The following TENM4 variants were observed in gnomAD, a reference collection of about 807,000 sequenced individuals.
TENM4 encodes teneurin-4.
TENM4 carries 82 observed loss-of-function variants against 243.3 expected under a neutral mutation model. That is an observed-to-expected ratio of 0.34 (90% CI 0.28 to 0.40). TENM4 has a LOEUF of 0.40. Among genes scored for constraint, TENM4 ranks in the 10% least tolerant of loss-of-function variants. The probability of loss-of-function intolerance (pLI) is 1.00; values close to 1 mark genes in which losing one functional copy is unlikely to be tolerated. For missense variants in TENM4, 3,138 were observed against 3,673.3 expected (o/e 0.85, Z 3.77); for synonymous variants, 1,412 against 1,456.3 (o/e 0.97, Z 0.69).
At chr11:78,864,665 A>G (rs1858918968) in intron 9 of TENM4, among the ~76,000 whole-genome samples, 1 of 152,096 alleles carries the variant, frequency 6.6e-6, no homozygotes, top group Non-Finnish European at 1.5e-5. Flanking sequence ...GGGCCTTGTC[A>G]GTGGTTCAGG....
chr11:79,220,805 A>C (rs576819249), intron 2 of TENM4, among the ~76,000 whole-genome samples: 1 of 152,210 alleles, frequency 6.6e-6, no homozygotes, highest in African/African-American at 2.4e-5. Context: ...AGTTCTTTCT[A>C]CCTCAGCTAC....
In TENM4 at chr11:78,712,823, A is replaced by T. The variant is rs193257540; in HGVS notation, c.3822-109T>A. 1,397 of 1,005,792 alleles carry T rather than the reference A, an allele frequency of 1.4e-3. 5 individuals are homozygous for T. Among genetic ancestry groups the T allele is most frequent in the Middle Eastern group, 7.1e-3 (23 of 3,228 alleles). 62.3% of individuals were successfully genotyped at this position (1,005,792 alleles called of 1,614,324 possible). On this transcript the variant is annotated intron_variant, in intron 25 of 33. Coordinates refer to ENST00000278550, the MANE Select transcript of TENM4 (RefSeq NM_001098816.3). ...TTTAGAATCCAAGCAAAAATATCTTATGGGGATGATGCCCCTATTTTGGGT... is the reference window on the plus strand; with the variant it reads ...TTTAGAATCCAAGCAAAAATATCTTTTGGGGATGATGCCCCTATTTTGGGT...
At chr11:79,277,981 C>T (rs936382162) in intron 2 of TENM4, among the ~76,000 whole-genome samples, 2 of 152,142 alleles carry the variant, frequency 1.3e-5, no homozygotes, top group African/African-American at 4.8e-5. Flanking sequence ...TCTTGCAACT[C>T]CTTTCTACAA....
At chr11:79,184,631 A>G (rs1462296483) in intron 3 of TENM4, among the ~76,000 whole-genome samples, 6 of 151,958 alleles carry the variant, frequency 3.9e-5, no homozygotes, top group Non-Finnish European at 8.8e-5. Flanking sequence ...AAGGACAAAT[A>G]CCGTATGATT....
At chr11:79,149,157 T>C (rs1049186815) in intron 3 of TENM4, among the ~76,000 whole-genome samples, 2 of 152,078 alleles carry the variant, frequency 1.3e-5, no homozygotes, top group Admixed American at 1.3e-4. Flanking sequence ...AGAGAGAATC[T>C]CCAGGTACTG....
intron 1 of TENM4, among the ~76,000 whole-genome samples, chr11:79,319,314 T>TA (rs1463323481): frequency 1.3e-5 from 2 of 151,784 alleles, no homozygotes; most frequent in African/African-American, 2.4e-5. Context: ...TTGTAAAGTA[T>TA]AAAAAAAAGA....
chr11:78,982,479 C>T (rs561659453), intron 6 of TENM4, among the ~76,000 whole-genome samples: 77 of 152,212 alleles, frequency 5.1e-4, no homozygotes, highest in African/African-American at 9.1e-4. Context: ...ACACCCTGGG[C>T]GCAAGTCTCA....
At chr11:79,114,844 T>C (rs908822033) in intron 4 of TENM4, among the ~76,000 whole-genome samples, 11 of 152,272 alleles carry the variant, frequency 7.2e-5, no homozygotes, top group African/African-American at 2.6e-4. Flanking sequence ...CCAGGATAGA[T>C]AGGAAACCCT....
intron 1 of TENM4, among the ~76,000 whole-genome samples, chr11:79,389,911 T>C (rs1361473562): frequency 6.6e-6 from 1 of 152,218 alleles, no homozygotes; most frequent in Non-Finnish European, 1.5e-5. Flanking sequence ...GCCTAAAATA[T>C]TTACTACCTG....
At chr11:79,298,709 C>T (rs1404158448) in intron 1 of TENM4, among the ~76,000 whole-genome samples, 1 of 151,978 alleles carries the variant, frequency 6.6e-6, no homozygotes, top group African/African-American at 2.4e-5. Context: ...TCCTTATAAC[C>T]ACCCTGGGAG....
chr11:79,200,107 G>A (rs1447123026), intron 3 of TENM4, among the ~76,000 whole-genome samples: 1 of 152,180 alleles, frequency 6.6e-6, no homozygotes, highest in Non-Finnish European at 1.5e-5. Context: ...TCTCTCCTGG[G>A]GTGCCGTTCA....
intron 15 of TENM4, among the ~76,000 whole-genome samples, chr11:78,802,064 C>T (rs555214967): frequency 6.6e-6 from 1 of 152,308 alleles, no homozygotes; most frequent in Admixed American, 6.5e-5. Context: ...CCCCAAAAAG[C>T]CCAGTGCCTG....
intron 4 of TENM4, among the ~76,000 whole-genome samples, chr11:79,124,583 C>A (rs536529715): frequency 1.3e-5 from 2 of 150,490 alleles, no homozygotes; most frequent in African/African-American, 4.9e-5. Flanking sequence ...TAATAGACTA[C>A]CCTTATCATA....
chr11:79,121,425 G>A, intron 4 of TENM4, among the ~76,000 whole-genome samples: 1 of 152,202 alleles, frequency 6.6e-6, no homozygotes, highest in Non-Finnish European at 1.5e-5. Context: ...ATTTCCTTGG[G>A]AGAAACCCCT....
At chr11:78,904,331 G>A (rs1256253332) in intron 6 of TENM4, among the ~76,000 whole-genome samples, 3 of 132,916 alleles carry the variant, frequency 2.3e-5, no homozygotes, top group Non-Finnish European at 4.6e-5. Flanking sequence ...CTGCACTCCA[G>A]CCTGAGCTAC....
intron 4 of TENM4, among the ~76,000 whole-genome samples, chr11:79,089,494 A>G (rs1378847472): frequency 6.6e-6 from 1 of 152,156 alleles, no homozygotes; most frequent in Non-Finnish European, 1.5e-5. Context: ...AATTGGATCT[A>G]CCTCACCAGA....
chr11:78,929,270 G>T (rs1479342108), intron 6 of TENM4, among the ~76,000 whole-genome samples: 1 of 152,182 alleles, frequency 6.6e-6, no homozygotes, highest in African/African-American at 2.4e-5. Context: ...ATAGGACAAA[G>T]CAACAGCAAT....
chr11:78,831,870 G>GTTCTGACTA (rs1188913189), intron 12 of TENM4, among the ~76,000 whole-genome samples: 1 of 152,184 alleles, frequency 6.6e-6, no homozygotes, highest in Non-Finnish European at 1.5e-5. Context: ...TCTGGGCCTA[G>GTTCTGACTA]GGCTCTGACT....
intron 29 of TENM4, among the ~76,000 whole-genome samples, chr11:78,677,918 C>T (rs1256465477): frequency 8.5e-6 from 1 of 117,250 alleles, no homozygotes; most frequent in Non-Finnish European, 1.8e-5. Context: ...TGCTATCCCT[C>T]CCCCCTCCCC....
Sources: gnomAD v4.1 joint callset for allele counts (sites outside exome capture counted in the v4.1 genomes callset) on GRCh38, gnomAD v4.1.1 for gene constraint, MANE v1.5 for transcripts, NCBI Gene and HGNC (gene_info 2026-07-23, HGNC 2026-07-21) for gene names.